Variants in SLCO3A1 observed in about 807,000 individuals in gnomAD.
SLCO3A1 encodes the protein PGE1 transporter.
A neutral mutation model predicts 63.1 loss-of-function variants in SLCO3A1; 27 were observed. The ratio of observed to expected loss-of-function variants is 0.43; its 90% CI spans 0.32 to 0.59. The LOEUF (loss-of-function observed/expected upper bound fraction) is 0.59. SLCO3A1 is among the 20% of genes least tolerant of loss of function. The pLI is 0.09. For missense variants in SLCO3A1, 773 were observed against 945.8 expected, an observed-to-expected ratio of 0.82 and a Z score of 2.40; for synonymous variants, 473 against 409.9, an observed-to-expected ratio of 1.15 and a Z score of -1.86.
chr15:91,961,621 T>A (rs1303301076), intron 2 of SLCO3A1, among the ~76,000 whole-genome samples: 1 of 152,230 alleles, frequency 6.6e-6, no homozygotes, highest in Non-Finnish European at 1.5e-5. Flanking sequence ...CCTTTGCACT[T>A]GCTCTCTGGC....
At chr15:91,903,246 G>A (rs2151369888) in intron 1 of SLCO3A1, among the ~76,000 whole-genome samples, 1 of 152,312 alleles carries the variant, frequency 6.6e-6, no homozygotes, top group East Asian at 1.9e-4. Context: ...GGAACAGATG[G>A]CCTGGTGCCT....
At chr15:91,955,566 C>G (rs998542742) in intron 2 of SLCO3A1, among the ~76,000 whole-genome samples, 8 of 152,160 alleles carry the variant, frequency 5.3e-5, no homozygotes, top group Non-Finnish European at 1.0e-4. Context: ...CTCCTGACCT[C>G]AGGTAATCCA....
chr15:92,095,092 C>T, intron 3 of SLCO3A1, 113 bp downstream of exon 3: 1 of 674,038 alleles, frequency 1.5e-6, no homozygotes. Flanking sequence ...GTCTTGATGC[C>T]CCTGCCTCTG....
At chr15:92,135,087 T>C (rs10852167) in intron 7 of SLCO3A1, among the ~76,000 whole-genome samples, 150,682 of 152,338 alleles carry the variant, frequency 0.99, 74,531 homozygotes, top group East Asian at 1. Flanking sequence ...AAGGACATTC[T>C]AGCCGGAAGA....
chr15:91,881,755 G>A (rs1356722746), intron 1 of SLCO3A1, among the ~76,000 whole-genome samples: 1 of 152,138 alleles, frequency 6.6e-6, no homozygotes, highest in Non-Finnish European at 1.5e-5. Flanking sequence ...AACATGCCGA[G>A]TCTACCAGGA....
At chr15:92,131,795 T>A (rs909874654) in intron 7 of SLCO3A1, among the ~76,000 whole-genome samples, 2 of 145,984 alleles carry the variant, frequency 1.4e-5, no homozygotes, top group Non-Finnish European at 3.1e-5. Context: ...CTCTCAGGGC[T>A]GTCTCTCCTT....
chr15:91,990,760 G>A (rs1018519691), intron 2 of SLCO3A1, among the ~76,000 whole-genome samples: 1 of 152,060 alleles, frequency 6.6e-6, no homozygotes, highest in African/African-American at 2.4e-5. Flanking sequence ...TGACGCATTT[G>A]CTGTTGCCTA....
chr15:92,091,942 G>A (rs1303936100), intron 2 of SLCO3A1, among the ~76,000 whole-genome samples: 4 of 152,208 alleles, frequency 2.6e-5, no homozygotes, highest in African/African-American at 7.2e-5. Flanking sequence ...ATTTGGTGGA[G>A]AGGCTGCCTC....
At chr15:91,896,731 C>T (rs1009579606) in intron 1 of SLCO3A1, among the ~76,000 whole-genome samples, 4 of 152,192 alleles carry the variant, frequency 2.6e-5, no homozygotes, top group Admixed American at 1.3e-4. Context: ...TACGAATTAC[C>T]CAGTCTCAGG....
intron 1 of SLCO3A1, among the ~76,000 whole-genome samples, chr15:91,889,667 C>G (rs1172266222): frequency 2.0e-5 from 3 of 152,218 alleles, no homozygotes. Flanking sequence ...AAGAGACAGG[C>G]CTTGTTCTCT....
chr15:92,125,251 G>C (rs1039872176), intron 5 of SLCO3A1, among the ~76,000 whole-genome samples: 1 of 152,184 alleles, frequency 6.6e-6, no homozygotes, highest in Admixed American at 6.5e-5. Context: ...CTACATGGTA[G>C]ATAAATGACA....
chr15:91,888,612 C>G (rs184083234), intron 1 of SLCO3A1, among the ~76,000 whole-genome samples: 14 of 152,146 alleles, frequency 9.2e-5, no homozygotes, highest in Admixed American at 7.9e-4. Flanking sequence ...AGGAGATTAG[C>G]AGGATTAACC....
At position 91,897,351 on chromosome 15, in the gene SLCO3A1, T is replaced by C. The variant is rs939355085; in HGVS notation, c.181-18642T>C. ...CTATAATCCCAGCTACTCAGGAGGC[T>C]GAGGCACGAGAATTGCTTGAACCCA... On this transcript the variant is annotated intron_variant, in intron 1 of 9. Coordinates refer to ENST00000318445, the MANE Select transcript of SLCO3A1 (RefSeq NM_013272.4). The surrounding 1 kb of genome is among the most constrained non-coding windows in gnomAD (Gnocchi z 4.7). Among the ~76,000 whole-genome samples the C allele has an allele frequency of 1.3e-5, 2 of 152,060 alleles. No homozygotes were observed. Among genetic ancestry groups the C allele is most frequent in the African/African-American group, 4.8e-5 (2 of 41,388 alleles).
intron 7 of SLCO3A1, among the ~76,000 whole-genome samples, chr15:92,130,747 G>A (rs1314574112): frequency 1.3e-5 from 2 of 152,100 alleles, no homozygotes; most frequent in African/African-American, 4.8e-5. Flanking sequence ...ATCCAAAAAT[G>A]AGTGAAAAGC....
intron 9 of SLCO3A1, among the ~76,000 whole-genome samples, chr15:92,155,728 T>TC (rs1010381136): frequency 1.3e-4 from 20 of 151,454 alleles, no homozygotes; most frequent in African/African-American, 4.6e-4. Flanking sequence ...TCTATTGAGA[T>TC]CCCCCCAACC....
intron 9 of SLCO3A1, among the ~76,000 whole-genome samples, chr15:92,151,768 G>A (rs567868111): frequency 6.6e-6 from 1 of 152,324 alleles, no homozygotes; most frequent in South Asian, 2.1e-4. Flanking sequence ...ACCTTCCCCA[G>A]TGGACTTTAA....
Position 91,942,086 on chromosome 15 carries a change from C to T in SLCO3A1, c.646+25628C>T, listed in dbSNP as rs1288820417. Among the ~76,000 whole-genome samples the T allele has an allele frequency of 6.6e-6, 1 of 152,176 alleles. No homozygotes were observed. Among genetic ancestry groups the T allele is most frequent in the African/African-American group, 2.4e-5 (1 of 41,426 alleles). On this transcript the variant is annotated intron_variant, in intron 2 of 9. Coordinates refer to ENST00000318445, the MANE Select transcript of SLCO3A1 (RefSeq NM_013272.4). The surrounding 1 kb of genome is among the most constrained non-coding windows in gnomAD (Gnocchi z 4.1). ...TCTTTATTCTAGACAATGCCACCAC[C>T]TACTGTTTTGCTGTTTAAATGTACC...
intron 2 of SLCO3A1, among the ~76,000 whole-genome samples, chr15:92,058,031 G>A (rs888513781): frequency 1.3e-5 from 2 of 152,142 alleles, no homozygotes; most frequent in African/African-American, 4.8e-5. Context: ...GCAGAGAAGT[G>A]GTGTGACTTG....
chr15:91,887,757 T>C (rs962998403), intron 1 of SLCO3A1, among the ~76,000 whole-genome samples: 10 of 152,266 alleles, frequency 6.6e-5, no homozygotes, highest in African/African-American at 2.2e-4. Flanking sequence ...TGGATGCAAC[T>C]ACCTAGGTTT....
Sources: gnomAD v4.1 joint callset for allele counts (sites outside exome capture counted in the v4.1 genomes callset) on GRCh38, gnomAD v4.1.1 for gene constraint, Gnocchi (gnomAD v3.1) non-coding constraint, MANE v1.5 for transcripts, NCBI Gene and HGNC (gene_info 2026-07-23, HGNC 2026-07-21) for gene names.